The following PGAP4 variants were observed in gnomAD, a reference collection of about 807,000 sequenced individuals.
The protein encoded by PGAP4 is post-GPI attachment to proteins GalNAc transferase 4, also known as GPI-N-acetylgalactosamine transferase PGAP4.
In PGAP4, 12 loss-of-function variants were observed where a neutral mutation model predicts 28.2. The ratio of observed to expected loss-of-function variants is 0.42; its 90% CI spans 0.27 to 0.69. The LOEUF (loss-of-function observed/expected upper bound fraction) is 0.69. Among genes scored for constraint, PGAP4 ranks in the 30% least tolerant of loss-of-function variants. PGAP4 has a pLI of 0.22. For synonymous variants in PGAP4, 205 were observed against 211.8 expected, an observed-to-expected ratio of 0.97 and a Z score of 0.28; for missense variants, 425 against 513.5, an observed-to-expected ratio of 0.83 and a Z score of 1.67.
intron 2 of PGAP4, among the ~76,000 whole-genome samples, chr9:101,528,342 G>C (rs1827054172): frequency 6.6e-6 from 1 of 152,076 alleles, no homozygotes; most frequent in Non-Finnish European, 1.5e-5. Flanking sequence ...CCTGGGCTTT[G>C]TCTCCTGTTC....
rs1432968531 is a variant in PGAP4 at position 101,474,180 on chromosome 9, T to C, written c.*1701A>G. The C allele has an allele frequency of 9.9e-5, 15 of 152,244 alleles. No individual in the cohort carries two copies. In the East Asian group the frequency reaches 1.2e-3, roughly 12 times the overall value. 9.4% of individuals were successfully genotyped at this position (152,244 alleles called of 1,614,324 possible). A position where few individuals can be genotyped will look rare whatever the true frequency, so the allele number is the denominator to read the frequency against. On this transcript the variant is annotated 3_prime_UTR_variant, in exon 2 of 2. Coordinates refer to ENST00000374848, the MANE Select transcript of PGAP4 (RefSeq NM_032342.3). ...TCCGTTCCCATTTTGGCTATGCTGC[T>C]GTTCAGGTTTGTGACCTGCAGAGCA...
At chr9:101,495,958 A>C (rs1376916085) in intron 2 of PGAP4, among the ~76,000 whole-genome samples, 1 of 151,486 alleles carries the variant, frequency 6.6e-6, no homozygotes, top group Non-Finnish European at 1.5e-5. Flanking sequence ...GAATTTAATC[A>C]GATGCCAGAA....
chr9:101,485,292 G>A (rs1826586985), intron 1 of PGAP4, among the ~76,000 whole-genome samples: 1 of 151,970 alleles, frequency 6.6e-6, no homozygotes, highest in African/African-American at 2.4e-5. Flanking sequence ...TTATTGAGGT[G>A]CAGTTTACAT....
In PGAP4 at chr9:101,475,259, T is replaced by C. The variant is rs1246189839; in HGVS notation, c.*622A>G. 2 of 153,274 alleles carry C rather than the reference T, an allele frequency of 1.3e-5. No individual in the cohort carries two copies. The highest frequency in any genetic ancestry group is 4.8e-5 in the African/African-American group (2 of 41,428). 9.5% of individuals were successfully genotyped at this position (153,274 alleles called of 1,614,324 possible). A position where few individuals can be genotyped will look rare whatever the true frequency, so the allele number is the denominator to read the frequency against. On this transcript the variant is annotated 3_prime_UTR_variant, in exon 2 of 2. Coordinates refer to ENST00000374848, the MANE Select transcript of PGAP4 (RefSeq NM_032342.3). ...TTAAAGTTCTCACTAACAATATCAA[T>C]TATCAGTGCACTACAGATATATAGG...
At chr9:101,477,232 A>AAAC in intron 1 of PGAP4, 63 bp from the exon 2 acceptor site, 1 of 1,308,570 alleles carries the variant, frequency 7.6e-7, no homozygotes, top group Non-Finnish European at 1.0e-6. Context: ...ACAAACAAAC[A>AAAC]AAAAAACAAA....
chr9:101,524,484 G>A (rs538011435), intron 2 of PGAP4, among the ~76,000 whole-genome samples: 3 of 152,242 alleles, frequency 2.0e-5, no homozygotes, highest in Admixed American at 6.5e-5. Flanking sequence ...CTGAGTTCTG[G>A]CCACGAGGCT....
chr9:101,520,426 T>C (rs558270580), intron 2 of PGAP4, among the ~76,000 whole-genome samples: 16 of 152,310 alleles, frequency 1.1e-4, no homozygotes, highest in African/African-American at 3.6e-4. Flanking sequence ...GGTCTTTGGA[T>C]CCTTGGTTAA....
intron 2 of PGAP4, among the ~76,000 whole-genome samples, chr9:101,530,984 C>T (rs957554591): frequency 1.3e-5 from 2 of 152,096 alleles, no homozygotes; most frequent in Admixed American, 6.5e-5. Context: ...TAGGCCTCAT[C>T]CAATCAGTTG....
intron 2 of PGAP4, among the ~76,000 whole-genome samples, chr9:101,522,708 T>A (rs946101359): frequency 6.6e-6 from 1 of 152,232 alleles, no homozygotes; most frequent in Admixed American, 6.5e-5. Flanking sequence ...TTACTTACAT[T>A]CAATGTTAGT....
Position 101,476,634 on chromosome 9 carries a change from A to T in PGAP4, c.459T>A (p.Phe153Leu), listed in dbSNP as rs1211795328. 6.2e-7 allele frequency: 1 copy of T among 1,614,208 alleles called. No homozygotes were observed. The highest frequency in any genetic ancestry group is 2.2e-5 in the East Asian group (1 of 44,876). ...LCNVERSVSH[F>L]DAKLLSKYVP... ...CATACTTGGAGAGCAACTTGGCATCAAAATGGCTCACACTACGCTCCACGT... is the reference window on the plus strand; with the variant it reads ...CATACTTGGAGAGCAACTTGGCATCTAAATGGCTCACACTACGCTCCACGT... Residue 153 changes from phenylalanine (F) to leucine (L), a missense_variant, in exon 2 of 2, where the codon TTT becomes TTA. Coordinates refer to ENST00000374848, the MANE Select transcript of PGAP4 (RefSeq NM_032342.3). The surrounding 1 kb of genome is among the most constrained non-coding windows in gnomAD (Gnocchi z 7.0).
At chr9:101,531,195 T>TACACACACACACACACAC (rs367760603) in intron 2 of PGAP4, 2 of 137,500 alleles carry the variant, frequency 1.5e-5, no homozygotes, top group East Asian at 2.2e-4. Flanking sequence ...AATCTCTTTC[T>TACACACACACACACACAC]ACACACACAC....
intron 2 of PGAP4, among the ~76,000 whole-genome samples, chr9:101,495,955 A>G (rs1318247428): frequency 6.6e-6 from 1 of 151,474 alleles, no homozygotes; most frequent in Non-Finnish European, 1.5e-5. Flanking sequence ...CTTGAATTTA[A>G]TCAGATGCCA....
At chr9:101,518,424 G>A (rs920976854) in intron 2 of PGAP4, among the ~76,000 whole-genome samples, 4 of 151,944 alleles carry the variant, frequency 2.6e-5, no homozygotes, top group Middle Eastern at 3.4e-3. Flanking sequence ...TTTATCCCTC[G>A]CCCTCCTTCC....
rs2118466443 is a variant in PGAP4 at position 101,473,563 on chromosome 9, G to A, written c.*2318C>T. 6.6e-6 allele frequency: 1 copy of A among 152,374 alleles called. No individual in the cohort carries two copies. Among genetic ancestry groups the A allele is most frequent in the Non-Finnish European group, 1.5e-5 (1 of 68,066 alleles). The allele number at this position is 152,374 out of a possible 1,614,324, so 9.4% of individuals were successfully genotyped here. A position where few individuals can be genotyped will look rare whatever the true frequency, so the allele number is the denominator to read the frequency against. Reference sequence around the variant, plus strand: ...GACAACTGGCAGAGTTCACTCCATGGGGAAAAGGCATGTTAGTGTGTAGGT... The same window carrying A: ...GACAACTGGCAGAGTTCACTCCATGAGGAAAAGGCATGTTAGTGTGTAGGT... On this transcript the variant is annotated 3_prime_UTR_variant, in exon 2 of 2. Transcript: ENST00000374848.
intron 2 of PGAP4, among the ~76,000 whole-genome samples, chr9:101,525,589 C>G (rs12378164): frequency 6.7e-6 from 1 of 150,248 alleles, no homozygotes; most frequent in Non-Finnish European, 1.5e-5. Flanking sequence ...TGCCTGTAAT[C>G]TCAGCTACTC....
chr9:101,478,942 A>C (rs1826403968), intron 1 of PGAP4, among the ~76,000 whole-genome samples: 1 of 152,218 alleles, frequency 6.6e-6, no homozygotes, highest in African/African-American at 2.4e-5. Context: ...GTAGAATACC[A>C]AATGTACAGT....
intron 2 of PGAP4, among the ~76,000 whole-genome samples, chr9:101,504,267 CT>C (rs1248755954): frequency 9.0e-5 from 3 of 33,296 alleles, no homozygotes; most frequent in Non-Finnish European, 1.7e-4. Flanking sequence ...GTATTACTCT[CT>C]TTTCTTTTTC....
At chr9:101,504,918 C>T (rs1826836854) in intron 2 of PGAP4, among the ~76,000 whole-genome samples, 1 of 152,036 alleles carries the variant, frequency 6.6e-6, no homozygotes, top group Non-Finnish European at 1.5e-5. Flanking sequence ...ACCCTGTCAC[C>T]TACAAAAAGA....
chr9:101,523,805 G>A (rs557069396), intron 2 of PGAP4, among the ~76,000 whole-genome samples: 1 of 151,856 alleles, frequency 6.6e-6, no homozygotes, highest in African/African-American at 2.4e-5. Flanking sequence ...GGGTGTTGAA[G>A]AGCCTTGTTT....
Sources: allele counts gnomAD v4.1 joint callset (sites outside exome capture counted in the v4.1 genomes callset), GRCh38; gene constraint gnomAD v4.1.1; non-coding constraint Gnocchi (gnomAD v3.1); transcripts MANE v1.5; gene names NCBI Gene and HGNC (gene_info 2026-07-23, HGNC 2026-07-21).